ZNF385D: variants seen among roughly 807,000 people sequenced by gnomAD.
ZNF385D encodes zinc finger protein 659.
Under a neutral mutation model 35.8 loss-of-function variants are expected in ZNF385D, and 15 were observed. That is an observed-to-expected ratio of 0.42 (90% CI 0.28 to 0.64). The LOEUF (loss-of-function observed/expected upper bound fraction) is 0.64. ZNF385D is among the 30% of genes least tolerant of loss of function. The probability of loss-of-function intolerance (pLI) is 0.23; values close to 1 mark genes in which losing one functional copy is unlikely to be tolerated. For synonymous variants in ZNF385D, 212 were observed against 186.8 expected, an observed-to-expected ratio of 1.13 and a Z score of -1.10; for missense variants, 474 against 494.6, an observed-to-expected ratio of 0.96 and a Z score of 0.39.
chr3:22,287,304 T>G (rs1055700840), intron 2 of ZNF385D, among the ~76,000 whole-genome samples: 13 of 152,050 alleles, frequency 8.5e-5, no homozygotes, highest in African/African-American at 3.1e-4. Context: ...TTGTTGAGTC[T>G]TGATTTTTTA....
intron 3 of ZNF385D, among the ~76,000 whole-genome samples, chr3:22,152,752 G>A (rs918938044): frequency 3.9e-5 from 6 of 152,258 alleles, no homozygotes; most frequent in East Asian, 3.9e-4. Context: ...CGTATGTGGA[G>A]TTCCTTTGGC....
intron 2 of ZNF385D, among the ~76,000 whole-genome samples, chr3:22,348,477 A>T (rs1695759516): frequency 7.9e-6 from 1 of 127,342 alleles, no homozygotes. Context: ...GAGAAACTCC[A>T]TCTCTACTAA....
chr3:21,756,319 G>A (rs1236995949), intron 3 of ZNF385D, among the ~76,000 whole-genome samples: 1 of 152,132 alleles, frequency 6.6e-6, no homozygotes, highest in South Asian at 2.1e-4. Context: ...AAGTAGTGGA[G>A]TATTCACAAT....
intron 2 of ZNF385D, among the ~76,000 whole-genome samples, chr3:22,236,808 A>T (rs759059266): frequency 6.6e-5 from 10 of 152,178 alleles, no homozygotes; most frequent in Admixed American, 1.3e-4. Flanking sequence ...TCATACAATA[A>T]GTGTCCTTTT....
chr3:21,923,902 T>A (rs753560197), intron 3 of ZNF385D, among the ~76,000 whole-genome samples: 2 of 152,170 alleles, frequency 1.3e-5, no homozygotes, highest in Non-Finnish European at 2.9e-5. Flanking sequence ...TCACATAATG[T>A]GCCCATGTAA....
At chr3:22,324,104 C>A (rs984483927) in intron 2 of ZNF385D, among the ~76,000 whole-genome samples, 2 of 151,892 alleles carry the variant, frequency 1.3e-5, no homozygotes, top group Non-Finnish European at 1.5e-5. Flanking sequence ...TATAACTTGG[C>A]GGGGAAAGGA....
chr3:21,715,011 G>C (rs1034838523), intron 1 of ZNF385D, among the ~76,000 whole-genome samples: 2 of 152,092 alleles, frequency 1.3e-5, no homozygotes, highest in Admixed American at 1.3e-4. Context: ...TATAATACAG[G>C]ATTATTAATT....
At chr3:21,962,829 G>A (rs1382344684) in intron 3 of ZNF385D, among the ~76,000 whole-genome samples, 1 of 152,046 alleles carries the variant, frequency 6.6e-6, no homozygotes, top group East Asian at 1.9e-4. Context: ...TATGTACTAG[G>A]GAAATGTTTC....
intron 1 of ZNF385D, among the ~76,000 whole-genome samples, chr3:21,730,663 C>T (rs1445335084): frequency 6.6e-6 from 1 of 152,208 alleles, no homozygotes; most frequent in African/African-American, 2.4e-5. Flanking sequence ...AGTGTAATTC[C>T]TGCTTCCAAG....
chr3:22,257,450 A>C (rs1415715583), intron 2 of ZNF385D, among the ~76,000 whole-genome samples: 2 of 151,730 alleles, frequency 1.3e-5, no homozygotes, highest in Non-Finnish European at 2.9e-5. Flanking sequence ...TTGCATCATC[A>C]TTTCCTCTCC....
At position 21,559,805 on chromosome 3, in the gene ZNF385D, C is replaced by T. The variant is rs145828253; in HGVS notation, c.276+4769G>A. Among the ~76,000 whole-genome samples, 536 of 152,264 alleles carry T rather than the reference C, an allele frequency of 3.5e-3. 2 individuals are homozygous for T. The highest frequency in any genetic ancestry group is 0.012 in the African/African-American group (478 of 41,554). ...GTCACTTTGAGGTACACCAATCAAACGTAGGTTTGGTCTTTTCACATATTC... is the reference window on the plus strand; with the variant it reads ...GTCACTTTGAGGTACACCAATCAAATGTAGGTTTGGTCTTTTCACATATTC... On this transcript the variant is annotated intron_variant, in intron 3 of 7. Coordinates refer to ENST00000281523, the MANE Select transcript of ZNF385D (RefSeq NM_024697.3).
intron 1 of ZNF385D, among the ~76,000 whole-genome samples, chr3:21,731,697 T>C (rs1228660650): frequency 6.6e-6 from 1 of 152,174 alleles, no homozygotes; most frequent in East Asian, 1.9e-4. Flanking sequence ...ATCCCACTAA[T>C]ACTGTATTTT....
chr3:21,820,755 A>T (rs1208427059), intron 3 of ZNF385D, among the ~76,000 whole-genome samples: 1 of 151,738 alleles, frequency 6.6e-6, no homozygotes, highest in African/African-American at 2.4e-5. Context: ...TTATAGCTTC[A>T]ACTTCTATTA....
intron 2 of ZNF385D, among the ~76,000 whole-genome samples, chr3:22,371,992 C>T (rs1210017303): frequency 6.6e-6 from 1 of 152,086 alleles, no homozygotes; most frequent in Non-Finnish European, 1.5e-5. Context: ...TTTCTTTATC[C>T]CAACAACTTC....
At chr3:21,954,480 G>C (rs1177786704) in intron 3 of ZNF385D, among the ~76,000 whole-genome samples, 2 of 151,918 alleles carry the variant, frequency 1.3e-5, no homozygotes, top group East Asian at 1.9e-4. Flanking sequence ...TCAACCTGGA[G>C]GTTTCTAAAC....
chr3:21,735,530 T>A (rs1275582409), intron 1 of ZNF385D, among the ~76,000 whole-genome samples: 1 of 152,212 alleles, frequency 6.6e-6, no homozygotes, highest in Non-Finnish European at 1.5e-5. Flanking sequence ...TATAAAATTC[T>A]TCTATTGGAT....
intron 3 of ZNF385D, among the ~76,000 whole-genome samples, chr3:22,030,320 T>A (rs1697917902): frequency 8.9e-6 from 1 of 112,740 alleles, no homozygotes; most frequent in South Asian, 3.0e-4. Flanking sequence ...GGTCCATCCC[T>A]CGAAGAGAAC....
chr3:21,639,814 G>A (rs1422365909), intron 2 of ZNF385D, among the ~76,000 whole-genome samples: 1 of 151,904 alleles, frequency 6.6e-6, no homozygotes, highest in Non-Finnish European at 1.5e-5. Flanking sequence ...AATAGTTATA[G>A]ATTTTTTATT....
intron 3 of ZNF385D, among the ~76,000 whole-genome samples, chr3:22,023,594 A>C (rs552222512): frequency 3.3e-4 from 51 of 152,260 alleles, no homozygotes; most frequent in African/African-American, 1.2e-3. Flanking sequence ...GCTGAGATCA[A>C]ATGGAGAGAA....
Sources: gnomAD v4.1 joint callset for allele counts (sites outside exome capture counted in the v4.1 genomes callset) on GRCh38, gnomAD v4.1.1 for gene constraint, MANE v1.5 for transcripts, NCBI Gene and HGNC (gene_info 2026-07-23, HGNC 2026-07-21) for gene names.